PHF6: variants seen among roughly 807,000 people sequenced by gnomAD.
PHF6 encodes the protein PHD finger protein 6.
PHF6 carries 7 observed loss-of-function variants against 34.0 expected under a neutral mutation model. The ratio of observed to expected loss-of-function variants is 0.21; its 90% confidence interval spans 0.12 to 0.39. The LOEUF (loss-of-function observed/expected upper bound fraction) is 0.39. PHF6 is among the 10% of genes least tolerant of loss of function. The pLI, the probability that PHF6 is intolerant of heterozygous loss-of-function variation, is 1.00. For missense variants in PHF6, 128 were observed against 262.8 expected, an observed-to-expected ratio of 0.49 and a Z score of 3.55; for synonymous variants, 89 against 88.4, an observed-to-expected ratio of 1.01 and a Z score of -0.04.
intron 3 of PHF6, among the ~76,000 whole-genome samples, chrX:134,379,591 C>T (rs1471477478): frequency 1.2e-4 from 13 of 108,777 alleles, no homozygotes; most frequent in African/African-American, 2.3e-4. Context: ...TACAGGCATG[C>T]GCCACCATGT....
chrX:134,389,540 T>C (rs952977049), intron 3 of PHF6, among the ~76,000 whole-genome samples: 1 of 111,056 alleles, frequency 9.0e-6, no homozygotes, highest in Non-Finnish European at 1.9e-5. Context: ...GGTAGAGGGG[T>C]CCCCATTTTC....
At chrX:134,391,994 G>A (rs1347540623) in intron 3 of PHF6, among the ~76,000 whole-genome samples, 1 of 111,760 alleles carries the variant, frequency 8.9e-6, no homozygotes, top group Non-Finnish European at 1.9e-5. Context: ...GAAGAAAGGG[G>A]TATTTCTTGT....
At chrX:134,410,842 G>A (rs1157599614) in intron 5 of PHF6, among the ~76,000 whole-genome samples, 1 of 107,631 alleles carries the variant, frequency 9.3e-6, no homozygotes, top group Non-Finnish European at 1.9e-5. Flanking sequence ...GTAGAGACAG[G>A]TTTTCACCTT....
At chrX:134,404,117 A>AC (rs2077413431) in intron 5 of PHF6, among the ~76,000 whole-genome samples, 1 of 111,239 alleles carries the variant, frequency 9.0e-6, no homozygotes, top group African/African-American at 3.3e-5. Flanking sequence ...GCTGCCATAC[A>AC]TAGTGATTTC....
At chrX:134,423,649 A>G (rs187940673) in intron 9 of PHF6, among the ~76,000 whole-genome samples, 1 of 112,253 alleles carries the variant, frequency 8.9e-6, no homozygotes, top group African/African-American at 3.2e-5. Context: ...AGAAATAATG[A>G]ACAAAACTAG....
intron 8 of PHF6, among the ~76,000 whole-genome samples, chrX:134,415,878 TTGAG>T (rs1334268721): frequency 1.8e-5 from 2 of 111,752 alleles, no homozygotes; most frequent in Non-Finnish European, 3.8e-5. Context: ...CTCCATGTAG[TTGAG>T]TATGTATCTC....
At chrX:134,422,355 A>C (rs745563709) in intron 9 of PHF6, among the ~76,000 whole-genome samples, 1 of 112,287 alleles carries the variant, frequency 8.9e-6, no homozygotes, top group African/African-American at 3.2e-5. Flanking sequence ...GACAAAACAA[A>C]AATATATGTA....
chrX:134,412,461 T>C (rs1246751930), intron 5 of PHF6, among the ~76,000 whole-genome samples: 1 of 111,790 alleles, frequency 8.9e-6, no homozygotes, highest in Non-Finnish European at 1.9e-5. Flanking sequence ...CGTCTGAGCA[T>C]AGGAGTTGAT....
At chrX:134,407,483 C>T (rs951769386) in intron 5 of PHF6, among the ~76,000 whole-genome samples, 3 of 111,996 alleles carry the variant, frequency 2.7e-5, no homozygotes, top group African/African-American at 9.7e-5. Context: ...ACTATTAGCT[C>T]TTATATGGAA....
intron 3 of PHF6, among the ~76,000 whole-genome samples, chrX:134,390,857 A>G (rs1366042807): frequency 9.0e-6 from 1 of 111,078 alleles, no homozygotes; most frequent in African/African-American, 3.3e-5. Context: ...TTAACATTAC[A>G]CATAGATCTT....
chrX:134,393,412 T>C lies in PHF6; in HGVS notation c.241-89T>C, dbSNP rs995657222. The C allele has an allele frequency of 1.7e-5, 17 of 1,008,779 alleles. No homozygotes were observed. In the Middle Eastern group the frequency reaches 9.6e-4, roughly 57 times the overall value. The allele number at this position is 1,008,779 out of a possible 1,213,427, so 83.1% of individuals were successfully genotyped here. ...AAAACTTTTCAATAACCAATTTGTT[T>C]TCCTTGACAGAAATTGATATGCCTC... On this transcript the variant is annotated intron_variant, in intron 3 of 10. Transcript: ENST00000370803.
intron 5 of PHF6, among the ~76,000 whole-genome samples, chrX:134,402,525 G>C (rs2077406851): frequency 9.0e-6 from 1 of 111,669 alleles, no homozygotes; most frequent in African/African-American, 3.3e-5. Context: ...CGCTCTCAGA[G>C]GAGAGCCTTA....
intron 3 of PHF6, among the ~76,000 whole-genome samples, chrX:134,384,733 G>C (rs1335855258): frequency 9.2e-6 from 1 of 108,685 alleles, no homozygotes; most frequent in East Asian, 2.9e-4. Context: ...CTCACTTCAA[G>C]CTCTGCCTCC....
At chrX:134,401,302 G>A (rs749943326) in intron 5 of PHF6, among the ~76,000 whole-genome samples, 4 of 111,617 alleles carry the variant, frequency 3.6e-5, no homozygotes, top group South Asian at 3.7e-4. Context: ...TCATTTAACA[G>A]TGTGAAGTAG....
At chrX:134,417,136 A>G (rs2077475147) in intron 8 of PHF6, 33 bp from the exon 9 acceptor site, 5 of 1,207,085 alleles carry the variant, frequency 4.1e-6, no homozygotes, top group Non-Finnish European at 5.6e-6. Flanking sequence ...TTCTTGAAAT[A>G]CGGCTTACGA....
At chrX:134,392,779 CAG>C (rs890245333) in intron 3 of PHF6, among the ~76,000 whole-genome samples, 22 of 110,184 alleles carry the variant, frequency 2.0e-4, no homozygotes, top group South Asian at 3.8e-4. Context: ...ATTTTTCCCA[CAG>C]AGTCTCATTA....
chrX:134,415,346 A>G (rs2077469166), intron 8 of PHF6: 7 of 495,767 alleles, frequency 1.4e-5, no homozygotes. Flanking sequence ...GAGAAGATTT[A>G]TATACATTTC....
At chrX:134,401,320 A>G (rs1365819165) in intron 5 of PHF6, among the ~76,000 whole-genome samples, 4 of 111,855 alleles carry the variant, frequency 3.6e-5, no homozygotes, top group Non-Finnish European at 7.5e-5. Context: ...TAGAAAGGGT[A>G]TCTGGACAGA....
rs1381833110 is a variant in PHF6, at chrX:134,378,065, A to G, written c.199A>G (p.Ile67Val). The G allele has an allele frequency of 4.2e-6, 5 of 1,204,396 alleles. No individual in the cohort carries two copies. Among genetic ancestry groups the G allele is most frequent in the Middle Eastern group, 2.4e-4 (1 of 4,109 alleles). Residue 67 changes from isoleucine to valine, a missense_variant, in exon 3 of 11, where the codon ATT (isoleucine) becomes GTT (valine). This residue lies in a region of PHF6 where 97 missense variants were observed against 152.9 expected (regional missense o/e 0.63). Transcript: ENST00000370803. ...TAATGAAAGTCTTGGTGGATTTTCT[A>G]TTGAAGATGTCCAAAAGGAAATTAA... ...SDNESLGGFS[I>V]EDVQKEIKRG... is the part of the protein sequence containing the mutation.
Sources: allele counts gnomAD v4.1 joint callset (sites outside exome capture counted in the v4.1 genomes callset), GRCh38; gene constraint gnomAD v4.1.1; regional missense constraint gnomAD v4.1.1; transcripts MANE v1.5; gene names NCBI Gene and HGNC (gene_info 2026-07-23, HGNC 2026-07-21).